Variants in ICA1 observed in about 807,000 individuals in gnomAD.
The protein encoded by ICA1 is 69 kDa islet cell autoantigen.
Under a neutral mutation model 71.0 loss-of-function variants are expected in ICA1, and 40 were observed. The ratio of observed to expected loss-of-function variants is 0.56; its 90% CI spans 0.44 to 0.73. The LOEUF is 0.73. Among genes scored for constraint, ICA1 ranks in the 30% least tolerant of loss-of-function variants. ICA1 has a pLI of 0.00. For missense variants in ICA1, 578 were observed against 576.5 expected, an observed-to-expected ratio of 1.00 and a Z score of -0.03; for synonymous variants, 207 against 209.5, an observed-to-expected ratio of 0.99 and a Z score of 0.10.
rs1791657940 is a variant in ICA1 at position 8,132,105 on chromosome 7, A to G, written c.1061-3963T>C. Among the ~76,000 whole-genome samples the G allele has an allele frequency of 6.6e-6, 1 of 152,184 alleles. No homozygotes were observed. The highest frequency in any genetic ancestry group is 1.5e-5 in the Non-Finnish European group (1 of 68,034). Reference sequence around the variant, plus strand: ...TACTTGCTTACCAGATAACCTAACTACAGACACTGCTGCAAAAATAAGAGC... The same window carrying G: ...TACTTGCTTACCAGATAACCTAACTGCAGACACTGCTGCAAAAATAAGAGC... On this transcript the variant is annotated intron_variant, in intron 12 of 13. Transcript: ENST00000402384. The surrounding 1 kb of genome is among the most constrained non-coding windows in gnomAD (Gnocchi z 4.5).
chr7:8,163,247 G>A (rs1804588411), intron 6 of ICA1, among the ~76,000 whole-genome samples: 1 of 152,200 alleles, frequency 6.6e-6, no homozygotes, highest in Non-Finnish European at 1.5e-5. Context: ...GCATGGTGAA[G>A]CCAAAGCTAT....
intron 7 of ICA1, chr7:8,157,591 C>A (rs1802092503): frequency 4.7e-6 from 1 of 214,056 alleles, no homozygotes. Flanking sequence ...ACTTATTTCA[C>A]TTAGCACACT....
intron 1 of ICA1, among the ~76,000 whole-genome samples, chr7:8,259,232 T>C (rs1811362040): frequency 6.6e-6 from 1 of 152,232 alleles, no homozygotes; most frequent in African/African-American, 2.4e-5. Flanking sequence ...TCACTGGGTC[T>C]GGAAGAGAGT....
rs909466572 is a variant in ICA1 at position 8,222,904 on chromosome 7, G to A, written c.257-1506C>T. ...AGGGGGCTCTAAGCTTTCCAAGACAGGGATCTCACCCAAACTTTGTATTCC... is the reference window on the plus strand; with the variant it reads ...AGGGGGCTCTAAGCTTTCCAAGACAAGGATCTCACCCAAACTTTGTATTCC... On this transcript the variant is annotated intron_variant, in intron 4 of 13. Coordinates refer to ENST00000402384, the MANE Select transcript of ICA1 (RefSeq NM_001136020.3). The surrounding 1 kb of genome is among the most constrained non-coding windows in gnomAD (Gnocchi z 4.8). Among the ~76,000 whole-genome samples the A allele has an allele frequency of 1.3e-5, 2 of 152,162 alleles. No homozygotes were observed. Among genetic ancestry groups the A allele is most frequent in the African/African-American group, 4.8e-5 (2 of 41,444 alleles).
At chr7:8,221,944 A>C (rs573524388) in intron 4 of ICA1, among the ~76,000 whole-genome samples, 1 of 152,250 alleles carries the variant, frequency 6.6e-6, no homozygotes, top group African/African-American at 2.4e-5. Flanking sequence ...AGTGGGTTTT[A>C]AAAATACAGA....
chr7:8,136,781 A>C (rs1027205861), intron 12 of ICA1, among the ~76,000 whole-genome samples: 1 of 152,234 alleles, frequency 6.6e-6, no homozygotes, highest in Admixed American at 6.5e-5. Flanking sequence ...AGAGTGCTCA[A>C]AAAAGGGGGT....
At chr7:8,258,114 T>G (rs570938417) in intron 1 of ICA1, among the ~76,000 whole-genome samples, 3 of 152,312 alleles carry the variant, frequency 2.0e-5, no homozygotes, top group East Asian at 3.9e-4. Flanking sequence ...GCCCCCGCCC[T>G]GGGCTGCATT....
intron 6 of ICA1, among the ~76,000 whole-genome samples, chr7:8,159,481 G>T (rs1395158340): frequency 2.0e-5 from 3 of 152,216 alleles, no homozygotes; most frequent in Admixed American, 1.3e-4. Context: ...GGAGGCTGAG[G>T]TGGGTGGATC....
intron 6 of ICA1, among the ~76,000 whole-genome samples, chr7:8,194,560 A>G (rs1786768935): frequency 6.6e-6 from 1 of 152,262 alleles, no homozygotes; most frequent in African/African-American, 2.4e-5. Context: ...ATCAAAAGCT[A>G]TAAAAATGTT....
At chr7:8,217,452 T>A (rs1310524671) in intron 6 of ICA1, among the ~76,000 whole-genome samples, 1 of 152,144 alleles carries the variant, frequency 6.6e-6, no homozygotes, top group Non-Finnish European at 1.5e-5. Flanking sequence ...TAATAAGAAA[T>A]CTAGGGATTT....
At position 8,221,497 on chromosome 7, in the gene ICA1, C is replaced by T. The variant is rs578078009; in HGVS notation, c.257-99G>A. 1.7e-4 allele frequency: 231 copies of T among 1,348,946 alleles called. 4 individuals are homozygous for T. Among genetic ancestry groups the T allele is most frequent in the East Asian group, 5.7e-4 (24 of 41,994 alleles). The allele number at this position is 1,348,946 out of a possible 1,614,324, so 83.6% of individuals were successfully genotyped here. ...CACAAGGTCCTCTCTCTTCCAGAGG[C>T]GAAGACGAGATGAAATTAAATCTAA... On this transcript the variant is annotated intron_variant, in intron 4 of 13. Coordinates refer to ENST00000402384, the MANE Select transcript of ICA1 (RefSeq NM_001136020.3).
intron 5 of ICA1, among the ~76,000 whole-genome samples, chr7:8,220,137 C>G (rs537601193): frequency 2.4e-3 from 366 of 152,120 alleles, no homozygotes; most frequent in African/African-American, 8.3e-3. Context: ...ATAAATAATA[C>G]TAAATGGTAA....
chr7:8,261,299 A>G (rs1427868084), intron 1 of ICA1, among the ~76,000 whole-genome samples: 1 of 152,206 alleles, frequency 6.6e-6, no homozygotes. Flanking sequence ...TACTACAAGT[A>G]AAAAGACAGT....
intron 6 of ICA1, among the ~76,000 whole-genome samples, chr7:8,161,443 C>A (rs1211090876): frequency 6.6e-6 from 1 of 152,208 alleles, no homozygotes; most frequent in East Asian, 1.9e-4. Flanking sequence ...TATTCTCATT[C>A]TTTGCCCTGT....
chr7:8,117,377 G>A (rs1343583292), intron 13 of ICA1, among the ~76,000 whole-genome samples: 1 of 152,182 alleles, frequency 6.6e-6, no homozygotes, highest in Non-Finnish European at 1.5e-5. Context: ...CAGCACTCCT[G>A]TTTTAGGGAC....
intron 8 of ICA1, chr7:8,156,552 C>T: frequency 4.0e-6 from 1 of 251,850 alleles, no homozygotes. Flanking sequence ...TGCACGTATC[C>T]CTACTGAGAT....
At chr7:8,239,536 T>A (rs62433202) in intron 1 of ICA1, among the ~76,000 whole-genome samples, 27,935 of 152,178 alleles carry the variant, frequency 0.18, 3,315 homozygotes, top group Admixed American at 0.27. Context: ...GTTCATCTCA[T>A]TGGGACTGGT....
At chr7:8,204,488 A>G (rs1426282072) in intron 6 of ICA1, among the ~76,000 whole-genome samples, 1 of 152,244 alleles carries the variant, frequency 6.6e-6, no homozygotes, top group African/African-American at 2.4e-5. Context: ...AACTTTACCA[A>G]TATTTAATCA....
chr7:8,198,906 A>T (rs980444493), intron 6 of ICA1, among the ~76,000 whole-genome samples: 12 of 152,234 alleles, frequency 7.9e-5, no homozygotes, highest in Non-Finnish European at 1.6e-4. Context: ...AATAGGAAAA[A>T]ATCTAATAAT....
Sources: allele counts gnomAD v4.1 joint callset (sites outside exome capture counted in the v4.1 genomes callset), GRCh38; gene constraint gnomAD v4.1.1; non-coding constraint Gnocchi (gnomAD v3.1); transcripts MANE v1.5; gene names NCBI Gene and HGNC (gene_info 2026-07-23, HGNC 2026-07-21).